The following SYN3 variants were observed in gnomAD, a reference collection of about 807,000 sequenced individuals.
SYN3 encodes synapsin-3.
A neutral mutation model predicts 65.8 loss-of-function variants in SYN3; 35 were observed. The observed-to-expected ratio is 0.53, with a 90% CI of 0.41 to 0.70. The LOEUF is 0.70. Among genes scored for constraint, SYN3 ranks in the 30% least tolerant of loss-of-function variants. The pLI is 0.00. For missense variants in SYN3, 680 were observed against 749.0 expected, an observed-to-expected ratio of 0.91 and a Z score of 1.08; for synonymous variants, 270 against 292.9, an observed-to-expected ratio of 0.92 and a Z score of 0.80.
intron 6 of SYN3, chr22:32,833,959 G>A: frequency 2.1e-6 from 1 of 481,792 alleles, no homozygotes; most frequent in Non-Finnish European, 4.2e-6. Context: ...GGGAAAGTGG[G>A]GAACTACCCA....
chr22:32,962,296 C>A (rs112307961), intron 3 of SYN3, among the ~76,000 whole-genome samples: 1 of 151,824 alleles, frequency 6.6e-6, no homozygotes, highest in African/African-American at 2.4e-5. Flanking sequence ...CCACCTCACC[C>A]GGCTAATTTT....
rs1461236853 is a variant in SYN3, at chr22:32,801,889, C to G, written c.711+63026G>C. ...GGCAGCGCGCCGGAGGCCAAGGTTG[C>G]CCCGCACGGCCCGGCGGGCGAGCGA... On this transcript the variant is annotated intron_variant, in intron 6 of 13. Coordinates refer to ENST00000358763, the MANE Select transcript of SYN3 (RefSeq NM_003490.4). This position sits in a 1 kb window ranked among gnomAD's most constrained non-coding sequence, Gnocchi z 4.7. 2 of 1,341,186 alleles carry G rather than the reference C, an allele frequency of 1.5e-6. No homozygotes were observed. The highest frequency in any genetic ancestry group is 1.6e-5 in the African/African-American group (1 of 64,208). The allele number at this position is 1,341,186 out of a possible 1,614,324, so 83.1% of individuals were successfully genotyped here. A position where few individuals can be genotyped will look rare whatever the true frequency, so the allele number is the denominator to read the frequency against.
intron 6 of SYN3, among the ~76,000 whole-genome samples, chr22:32,646,367 C>T (rs912043043): frequency 5.3e-5 from 8 of 152,192 alleles, no homozygotes; most frequent in Admixed American, 2.6e-4. Flanking sequence ...TTTGTTCATG[C>T]TGGTGCTTAA....
In SYN3 at chr22:33,056,678, G is replaced by A. The variant is rs752429575; in HGVS notation, c.-163+1614C>T. 1.0e-3 allele frequency among the ~76,000 whole-genome samples: 159 copies of A among 152,266 alleles called. 1 individual carries two copies. The highest frequency in any genetic ancestry group is 6.8e-3 in the Middle Eastern group (2 of 294). ...CAGAAGCGCCAAGTCTTTTTCCAGG[G>A]AACCCAAACCATGACAGGTGAGTAC... On this transcript the variant is annotated intron_variant, in intron 1 of 13. Transcript: ENST00000358763.
chr22:32,717,702 A>C (rs3827339), intron 6 of SYN3, among the ~76,000 whole-genome samples: 38,316 of 151,982 alleles, frequency 0.25, 5,952 homozygotes, highest in East Asian at 0.63. Context: ...GCTGAGCTGA[A>C]TCCAGCTCTC....
At chr22:32,522,426 C>T (rs1259592700) in intron 12 of SYN3, among the ~76,000 whole-genome samples, 1 of 152,108 alleles carries the variant, frequency 6.6e-6, no homozygotes, top group South Asian at 2.1e-4. Flanking sequence ...TTTAAAACGG[C>T]TCTGTTCAAA....
In SYN3 at chr22:32,841,767, G is replaced by A. The variant is rs1037208163; in HGVS notation, c.711+23148C>T. On this transcript the variant is annotated intron_variant, in intron 6 of 13. Coordinates refer to ENST00000358763, the MANE Select transcript of SYN3 (RefSeq NM_003490.4). ...ATACCTCAGTGATGGGTTGATAGGT[G>A]CAGCAAATCACTATGGTACATGTTT... Among the ~76,000 whole-genome samples the A allele has an allele frequency of 5.8e-4, 88 of 152,052 alleles. 1 individual carries two copies. Among genetic ancestry groups the A allele is most frequent in the African/African-American group, 2.1e-3 (85 of 41,388 alleles).
intron 2 of SYN3, among the ~76,000 whole-genome samples, chr22:32,989,923 T>C (rs1050585093): frequency 4.0e-5 from 6 of 150,766 alleles, no homozygotes; most frequent in Non-Finnish European, 8.9e-5. Flanking sequence ...CCCTCATTCC[T>C]ACAGATGTCT....
At chr22:32,812,846 T>A (rs146026539) in intron 6 of SYN3, among the ~76,000 whole-genome samples, 1 of 152,234 alleles carries the variant, frequency 6.6e-6, no homozygotes, top group Admixed American at 6.5e-5. Context: ...AGTGACAGGA[T>A]AGAAAGCTCC....
chr22:32,652,823 C>G (rs2060091862), intron 6 of SYN3, among the ~76,000 whole-genome samples: 1 of 152,108 alleles, frequency 6.6e-6, no homozygotes, highest in Admixed American at 6.5e-5. Context: ...GTCCTGACGC[C>G]CTGTCCAGGC....
intron 7 of SYN3, among the ~76,000 whole-genome samples, chr22:32,553,931 T>C (rs778923753): frequency 2.6e-5 from 4 of 152,102 alleles, no homozygotes; most frequent in Non-Finnish European, 5.9e-5. Flanking sequence ...AAATCTTACA[T>C]GGGGGAGCAG....
intron 10 of SYN3, among the ~76,000 whole-genome samples, chr22:32,531,263 G>T (rs1277974217): frequency 6.7e-6 from 1 of 149,546 alleles, no homozygotes; most frequent in African/African-American, 2.5e-5. Flanking sequence ...CAGCGCCCCA[G>T]ACAGGGACAG....
intron 6 of SYN3, among the ~76,000 whole-genome samples, chr22:32,606,575 C>T (rs902690928): frequency 1.3e-5 from 2 of 152,132 alleles, no homozygotes; most frequent in African/African-American, 2.4e-5. Context: ...CAAAACTTCA[C>T]GGCTTACGGG....
intron 4 of SYN3, among the ~76,000 whole-genome samples, chr22:32,920,616 G>C (rs916396): frequency 0.21 from 31,797 of 152,058 alleles, 5,118 homozygotes; most frequent in East Asian, 0.46. Flanking sequence ...AGCACTCCTA[G>C]AATCTGACCT....
At chr22:32,878,116 C>T (rs1344288575) in intron 4 of SYN3, among the ~76,000 whole-genome samples, 1 of 152,150 alleles carries the variant, frequency 6.6e-6, no homozygotes, top group South Asian at 2.1e-4. Context: ...TCCGTGTGCA[C>T]AATCACCGTG....
At chr22:32,873,697 G>C (rs2048912767) in intron 4 of SYN3, among the ~76,000 whole-genome samples, 1 of 152,234 alleles carries the variant, frequency 6.6e-6, no homozygotes, top group Non-Finnish European at 1.5e-5. Flanking sequence ...CTGAAAGACA[G>C]GAGTGGCCAG....
Position 33,006,683 on chromosome 22 carries a change from G to A in SYN3, c.-21C>T, listed in dbSNP as rs1026730986. On this transcript the variant is annotated 5_prime_UTR_variant, in exon 2 of 14. Transcript: ENST00000358763. The stretch of plus-strand genomic sequence containing the variant: ...TTCATGGCTGTGGATGGATGGAGAT[G>A]ACTGGCTCCTACCCAGACGTGTGTA... 7 of 1,556,954 alleles carry A rather than the reference G, an allele frequency of 4.5e-6. No individual in the cohort carries two copies. Among genetic ancestry groups the A allele is most frequent in the Non-Finnish European group, 6.1e-6 (7 of 1,150,728 alleles).
Position 32,859,314 on chromosome 22 carries a change from C to T in SYN3, c.711+5601G>A, listed in dbSNP as rs763364042. 26 of 1,613,998 alleles carry T rather than the reference C, an allele frequency of 1.6e-5. No individual in the cohort carries two copies. Among genetic ancestry groups the T allele is most frequent in the Admixed American group, 5.0e-5 (3 of 60,002 alleles). ...CCTGCATCCGGCAGAAGGGCGGCTA[C>T]TGCAGCTGGTACCGAGGATGGGCCC... On this transcript the variant is annotated intron_variant, in intron 6 of 13. Coordinates refer to ENST00000358763, the MANE Select transcript of SYN3 (RefSeq NM_003490.4).
chr22:32,733,863 G>A lies in SYN3; in HGVS notation c.711+131052C>T, dbSNP rs556607036. ...TTCATGAGGACACTCTGGACAAGGA[G>A]GGGCATTATAGGATCACAGCGCCAC... On this transcript the variant is annotated intron_variant, in intron 6 of 13. Coordinates refer to ENST00000358763, the MANE Select transcript of SYN3 (RefSeq NM_003490.4). Among the ~76,000 whole-genome samples the A allele has an allele frequency of 1.8e-4, 28 of 152,272 alleles. No homozygotes were observed. In the East Asian group the frequency reaches 4.3e-3, roughly 23 times the overall value.
Sources: allele counts gnomAD v4.1 joint callset (sites outside exome capture counted in the v4.1 genomes callset), GRCh38; gene constraint gnomAD v4.1.1; non-coding constraint Gnocchi (gnomAD v3.1); transcripts MANE v1.5; gene names NCBI Gene and HGNC (gene_info 2026-07-23, HGNC 2026-07-21).